The following PPM1H variants were observed in gnomAD, a reference collection of about 807,000 sequenced individuals.
PPM1H encodes the protein protein phosphatase 1H.
Under a neutral mutation model 54.9 loss-of-function variants are expected in PPM1H, and 27 were observed. That is an observed-to-expected ratio of 0.49 (90% CI 0.36 to 0.68). The LOEUF is 0.68. Among genes scored for constraint, PPM1H ranks in the 30% least tolerant of loss-of-function variants. The probability of loss-of-function intolerance (pLI) is 0.00; values close to 1 mark genes in which losing one functional copy is unlikely to be tolerated. For missense variants in PPM1H, 596 were observed against 667.8 expected, an observed-to-expected ratio of 0.89 and a Z score of 1.19; for synonymous variants, 305 against 270.8, an observed-to-expected ratio of 1.13 and a Z score of -1.24.
At chr12:62,791,679 G>C (rs1273066486) in intron 3 of PPM1H, among the ~76,000 whole-genome samples, 1 of 152,142 alleles carries the variant, frequency 6.6e-6, no homozygotes, top group African/African-American at 2.4e-5. Flanking sequence ...CCAGCCCTTT[G>C]GGAGGCTCAG....
intron 5 of PPM1H, 60 bp from the exon 6 acceptor site, chr12:62,720,349 A>G: frequency 7.5e-7 from 1 of 1,326,326 alleles, no homozygotes; most frequent in Non-Finnish European, 1.1e-6. Context: ...AAACAAAATA[A>G]GAATCAAGGA....
intron 1 of PPM1H, among the ~76,000 whole-genome samples, chr12:62,887,337 G>T (rs1031241140): frequency 6.6e-6 from 1 of 152,210 alleles, no homozygotes; most frequent in African/African-American, 2.4e-5. Context: ...TACAGTACTA[G>T]ACTTTGGAAT....
intron 1 of PPM1H, among the ~76,000 whole-genome samples, chr12:62,849,913 T>C (rs1227481230): frequency 6.6e-6 from 1 of 152,210 alleles, no homozygotes; most frequent in Non-Finnish European, 1.5e-5. Flanking sequence ...GTCACAACTT[T>C]CTAGAAATTA....
chr12:62,866,635 A>C (rs954768074), intron 1 of PPM1H, among the ~76,000 whole-genome samples: 3 of 152,186 alleles, frequency 2.0e-5, no homozygotes, highest in Non-Finnish European at 4.4e-5. Context: ...CTCCAGCACC[A>C]GTCAAATCTT....
At chr12:62,681,785 C>G (rs1292045790) in intron 8 of PPM1H, among the ~76,000 whole-genome samples, 1 of 152,138 alleles carries the variant, frequency 6.6e-6, no homozygotes, top group Non-Finnish European at 1.5e-5. Context: ...AGATATGTTC[C>G]CCAGTGCTCT....
intron 1 of PPM1H, among the ~76,000 whole-genome samples, chr12:62,877,977 A>G (rs1870239594): frequency 1.3e-5 from 2 of 152,170 alleles, no homozygotes; most frequent in Non-Finnish European, 2.9e-5. Flanking sequence ...GGCTCACTGC[A>G]AGCTCCGCCT....
chr12:62,816,877 T>C (rs1011005515), intron 2 of PPM1H, among the ~76,000 whole-genome samples: 5 of 151,722 alleles, frequency 3.3e-5, no homozygotes, highest in Admixed American at 6.6e-5. Flanking sequence ...CCTTGCACCT[T>C]ACATTTTGCC....
intron 9 of PPM1H, among the ~76,000 whole-genome samples, chr12:62,653,608 A>T (rs1439254213): frequency 6.6e-6 from 1 of 152,168 alleles, no homozygotes; most frequent in Non-Finnish European, 1.5e-5. Flanking sequence ...GTATTTGGTT[A>T]TTCTTTTTCA....
intron 1 of PPM1H, among the ~76,000 whole-genome samples, chr12:62,929,416 A>C (rs1171686311): frequency 6.6e-6 from 1 of 152,214 alleles, no homozygotes; most frequent in East Asian, 1.9e-4. Flanking sequence ...CTATAAAGGC[A>C]CCAGAGTTTA....
chr12:62,659,212 A>G, intron 9 of PPM1H: 1 of 694,122 alleles, frequency 1.4e-6, no homozygotes, highest in Non-Finnish European at 2.7e-6. Context: ...CTGTGCAGCG[A>G]AGAAAATGGG....
intron 2 of PPM1H, among the ~76,000 whole-genome samples, chr12:62,808,500 TTATGAG>T (rs2076818353): frequency 6.6e-6 from 1 of 152,114 alleles, no homozygotes; most frequent in African/African-American, 2.4e-5. Flanking sequence ...TCATTTTCTT[TTATGAG>T]TCTAACAGCC....
At chr12:62,729,629 C>T (rs886623659) in intron 5 of PPM1H, among the ~76,000 whole-genome samples, 16 of 152,196 alleles carry the variant, frequency 1.1e-4, no homozygotes, top group African/African-American at 3.9e-4. Flanking sequence ...ATCATCAGCA[C>T]CCCATCCAAT....
intron 1 of PPM1H, among the ~76,000 whole-genome samples, chr12:62,933,353 C>CG (rs1199574662): frequency 6.6e-6 from 1 of 152,088 alleles, no homozygotes; most frequent in African/African-American, 2.4e-5. Context: ...AAGCCTGCCC[C>CG]GGGGTATCCG....
chr12:62,775,823 A>G (rs1239110562), intron 4 of PPM1H, among the ~76,000 whole-genome samples: 2 of 152,184 alleles, frequency 1.3e-5, no homozygotes, highest in Non-Finnish European at 2.9e-5. Flanking sequence ...CCTCAACTAT[A>G]AAAGGTACAT....
At chr12:62,831,659 C>T (rs950639645) in intron 2 of PPM1H, among the ~76,000 whole-genome samples, 2 of 151,420 alleles carry the variant, frequency 1.3e-5, no homozygotes, top group Non-Finnish European at 2.9e-5. Context: ...TATTTCCTTA[C>T]AAAGACCTAG....
At chr12:62,782,944 T>G (rs2076650320) in intron 4 of PPM1H, among the ~76,000 whole-genome samples, 1 of 152,122 alleles carries the variant, frequency 6.6e-6, no homozygotes, top group Non-Finnish European at 1.5e-5. Flanking sequence ...TCTGCCCACC[T>G]CAGCCTCCTG....
intron 8 of PPM1H, among the ~76,000 whole-genome samples, chr12:62,686,701 A>T (rs2076054276): frequency 6.6e-6 from 1 of 152,230 alleles, no homozygotes; most frequent in South Asian, 2.1e-4. Context: ...CACTTGCAGA[A>T]TTTTGACAAA....
intron 9 of PPM1H, among the ~76,000 whole-genome samples, chr12:62,651,708 C>G (rs1018942773): frequency 1.3e-5 from 2 of 152,148 alleles, no homozygotes; most frequent in African/African-American, 2.4e-5. Flanking sequence ...AAAATCCACT[C>G]TTGCTTTCTC....
intron 2 of PPM1H, among the ~76,000 whole-genome samples, chr12:62,827,513 G>T (rs906448511): frequency 3.9e-5 from 6 of 152,068 alleles, no homozygotes; most frequent in African/African-American, 1.4e-4. Context: ...GAGTCATCTT[G>T]CCCTTGTCTA....
Sources: gnomAD v4.1 joint callset for allele counts (sites outside exome capture counted in the v4.1 genomes callset) on GRCh38, gnomAD v4.1.1 for gene constraint, MANE v1.5 for transcripts, NCBI Gene and HGNC (gene_info 2026-07-23, HGNC 2026-07-21) for gene names.